The following MARK3 variants were observed in gnomAD, a reference collection of about 807,000 sequenced individuals.
The protein encoded by MARK3 is microtubule affinity regulating kinase 3.
MARK3 carries 46 observed loss-of-function variants against 90.1 expected under a neutral mutation model. The ratio of observed to expected loss-of-function variants is 0.51; its 90% confidence interval spans 0.40 to 0.65. MARK3 has a LOEUF of 0.65. Among genes scored for constraint, MARK3 ranks in the 30% least tolerant of loss-of-function variants. The pLI is 0.00. For missense variants in MARK3, 818 were observed against 947.2 expected (o/e 0.86, Z 1.79); for synonymous variants, 321 against 332.6 (o/e 0.97, Z 0.38).
chr14:103,407,246 TCTG>T (rs2091355979), intron 2 of MARK3, among the ~76,000 whole-genome samples: 1 of 152,250 alleles, frequency 6.6e-6, no homozygotes. Flanking sequence ...GTAGCAAATG[TCTG>T]CTACCACAGT....
chr14:103,445,839 CCT>C (rs1271116787), intron 3 of MARK3, among the ~76,000 whole-genome samples: 1 of 152,190 alleles, frequency 6.6e-6, no homozygotes, highest in East Asian at 1.9e-4. Flanking sequence ...GACCTGCTCC[CCT>C]GTCATCAGAA....
chr14:103,439,808 C>T (rs770229377), intron 3 of MARK3, among the ~76,000 whole-genome samples: 10 of 151,826 alleles, frequency 6.6e-5, no homozygotes, highest in Non-Finnish European at 1.0e-4. Context: ...TTTTTTGAGA[C>T]GGAGTTTCGC....
chr14:103,484,104 A>G (rs2093876814), intron 14 of MARK3, among the ~76,000 whole-genome samples: 1 of 152,010 alleles, frequency 6.6e-6, no homozygotes, highest in African/African-American at 2.4e-5. Flanking sequence ...AGACTACTTC[A>G]TTTAAAGACC....
At chr14:103,467,245 T>C (rs2093524830) in intron 11 of MARK3, 54 bp downstream of exon 11, 3 of 797,506 alleles carry the variant, frequency 3.8e-6, no homozygotes, top group Non-Finnish European at 6.0e-6. Context: ...TTAGTTTATA[T>C]AAACTGTTTT....
At chr14:103,409,435 T>TTAAA (rs2091498813) in intron 2 of MARK3, among the ~76,000 whole-genome samples, 1 of 93,422 alleles carries the variant, frequency 1.1e-5, no homozygotes, top group Non-Finnish European at 2.1e-5. Context: ...GAACTTAAAG[T>TTAAA]AAAAAAAAAA....
rs986061564 is a variant in MARK3, at chr14:103,412,653, T to G, written c.243+7386T>G. 1.2e-5 allele frequency: 12 copies of G among 1,027,986 alleles called. No homozygotes were observed. The African/African-American group carries it at 2.3e-4, about 20-fold the overall frequency. 63.7% of individuals were successfully genotyped at this position (1,027,986 alleles called of 1,614,324 possible). On this transcript the variant is annotated intron_variant, in intron 2 of 17. Transcript: ENST00000429436. ...TTCTGGGGGTCATAGTTCTTCAAGC[T>G]GATCTGCAACTCCACCATCTTCAGG...
intron 2 of MARK3, chr14:103,412,019 CAG>C (rs1314842015): frequency 1.2e-5 from 3 of 249,590 alleles, no homozygotes; most frequent in East Asian, 7.1e-5. Context: ...TTTCTAAAAA[CAG>C]AGCATGAAAT....
At chr14:103,394,375 A>C (rs1386956197) in intron 1 of MARK3, among the ~76,000 whole-genome samples, 1 of 152,180 alleles carries the variant, frequency 6.6e-6, no homozygotes, top group Admixed American at 6.5e-5. Flanking sequence ...ACCCGTCTGC[A>C]CCTGCTTGTA....
chr14:103,499,957 C>G (rs1299942298), intron 16 of MARK3, 199 bp from the exon 17 acceptor site: 1 of 602,758 alleles, frequency 1.7e-6, no homozygotes, highest in Non-Finnish European at 3.0e-6. Context: ...TGTGCACACC[C>G]CTGCAGCCTT....
At chr14:103,486,748 T>A (rs1213497228) in intron 14 of MARK3, among the ~76,000 whole-genome samples, 1 of 152,142 alleles carries the variant, frequency 6.6e-6, no homozygotes, top group African/African-American at 2.4e-5. Context: ...GCAAACATCT[T>A]ACTGAGTTTA....
At chr14:103,464,580 G>A (rs550250102) in intron 7 of MARK3, among the ~76,000 whole-genome samples, 10 of 152,180 alleles carry the variant, frequency 6.6e-5, no homozygotes, top group African/African-American at 1.9e-4. Context: ...GATTACAGGC[G>A]TGAGCCACCG....
chr14:103,426,156 T>A lies in MARK3; in HGVS notation c.244-2231T>A, dbSNP rs118093708. ...AGAGTGGAATTTTCCAGAGGTTACA[T>A]GATGTGTGATATCACAACAGATTGA... On this transcript the variant is annotated intron_variant, in intron 2 of 17. Transcript: ENST00000429436. 1.0e-3 allele frequency among the ~76,000 whole-genome samples: 154 copies of A among 152,292 alleles called. 5 individuals are homozygous for A. In the East Asian group the frequency reaches 0.026, roughly 26 times the overall value.
chr14:103,500,989 G>A (rs375554791), intron 17 of MARK3, among the ~76,000 whole-genome samples: 2 of 152,126 alleles, frequency 1.3e-5, no homozygotes, highest in African/African-American at 4.8e-5. Flanking sequence ...GGTAGCCTTA[G>A]GACTCTATGT....
At chr14:103,401,421 A>G (rs1413716818) in intron 1 of MARK3, among the ~76,000 whole-genome samples, 2 of 152,136 alleles carry the variant, frequency 1.3e-5, no homozygotes, top group Non-Finnish European at 2.9e-5. Context: ...AATACATACC[A>G]CCAACATCCT....
At chr14:103,451,358 TC>T (rs528115958) in intron 4 of MARK3, among the ~76,000 whole-genome samples, 1 of 152,016 alleles carries the variant, frequency 6.6e-6, no homozygotes, top group Admixed American at 6.6e-5. Flanking sequence ...TAAAAAAGAT[TC>T]CCCCCCTCAA....
chr14:103,462,455 C>T lies in MARK3; in HGVS notation c.534C>T (p.Asp178=). The T allele has an allele frequency of 6.2e-7, 1 of 1,601,820 alleles. No homozygotes were observed. The highest frequency in any genetic ancestry group is 8.5e-7 in the Non-Finnish European group (1 of 1,170,142). Reference sequence around the variant, plus strand: ...ATCAGAAACGGATCGTACATCGAGACCTCAAGGTGAGTAGAAGTGCCTCAC... The same window carrying T: ...ATCAGAAACGGATCGTACATCGAGATCTCAAGGTGAGTAGAAGTGCCTCAC... The part of the protein sequence containing the change: ...YCHQKRIVHR[D]LKAENLLLDA... Residue 178 remains aspartate, a synonymous_variant, in exon 7 of 18, where the codon GAC becomes GAT. Coordinates refer to ENST00000429436, the MANE Select transcript of MARK3 (RefSeq NM_001128918.3).
chr14:103,474,920 A>C, intron 12 of MARK3, 73 bp from the exon 13 acceptor site: 1 of 1,224,770 alleles, frequency 8.2e-7, no homozygotes, highest in South Asian at 1.4e-5. Context: ...TCATCTTACA[A>C]AATATGGTTA....
In MARK3 at chr14:103,491,701, G is replaced by C. The variant is rs1348160453; in HGVS notation, c.1587-76G>C. The C allele has an allele frequency of 3.2e-5, 47 of 1,490,010 alleles. No homozygotes were observed. The East Asian group carries it at 1.0e-3, about 32-fold the overall frequency. The allele number at this position is 1,490,010 out of a possible 1,614,324, so 92.3% of individuals were successfully genotyped here. On this transcript the variant is annotated intron_variant, in intron 14 of 17. Transcript: ENST00000429436. ...TTTTTTATACCCGATTTTCTCCACT[G>C]TGTATAAAAGGTATATTGTGACTGT...
chr14:103,428,683 T>C (rs3783395), intron 3 of MARK3, among the ~76,000 whole-genome samples: 50,830 of 152,008 alleles, frequency 0.33, 8,822 homozygotes, highest in Middle Eastern at 0.45. Flanking sequence ...TTGTACTTTT[T>C]TATTGATATA....
Sources: allele counts gnomAD v4.1 joint callset (sites outside exome capture counted in the v4.1 genomes callset), GRCh38; gene constraint gnomAD v4.1.1; transcripts MANE v1.5; gene names NCBI Gene and HGNC (gene_info 2026-07-23, HGNC 2026-07-21).